The following FAM107A variants were observed in gnomAD, a reference collection of about 807,000 sequenced individuals.
FAM107A encodes family with sequence similarity 107 member A.
Under a neutral mutation model 13.7 loss-of-function variants are expected in FAM107A, and 19 were observed. The observed-to-expected ratio is 1.38, with a 90% confidence interval of 0.97 to 2.03. The LOEUF is 2.03. Ranked by LOEUF, FAM107A falls within the 30% of genes most tolerant of loss-of-function variation. The pLI, the probability that FAM107A is intolerant of heterozygous loss-of-function variation, is 0.00. For missense variants in FAM107A, 203 were observed against 184.4 expected, an observed-to-expected ratio of 1.10 and a Z score of -0.58; for synonymous variants, 82 against 74.5, an observed-to-expected ratio of 1.10 and a Z score of -0.52.
chr3:58,599,695 C>CT (rs1559483413), intron 1 of FAM107A, among the ~76,000 whole-genome samples: 4 of 45,744 alleles, frequency 8.7e-5, no homozygotes, highest in Non-Finnish European at 2.1e-4. Context: ...ACAAGTGCAC[C>CT]ATTTTTTTTT....
At chr3:58,599,714 T>A (rs1342261198) in intron 1 of FAM107A, among the ~76,000 whole-genome samples, 6 of 116,144 alleles carry the variant, frequency 5.2e-5, no homozygotes, top group African/African-American at 2.1e-4. Context: ...TTTTTTTTTT[T>A]TTTTTTTTTT....
intron 1 of FAM107A, among the ~76,000 whole-genome samples, chr3:58,626,221 C>A (rs1211836960): frequency 6.6e-6 from 1 of 152,096 alleles, no homozygotes; most frequent in Non-Finnish European, 1.5e-5. Flanking sequence ...CCCTAAGAGG[C>A]TGATCCAGGA....
chr3:58,566,981 A>G (rs755250207), intron 3 of FAM107A: 4 of 616,728 alleles, frequency 6.5e-6, no homozygotes, highest in Non-Finnish European at 8.6e-6. Context: ...CAGAATCAGC[A>G]TGCAGTACAC....
In FAM107A at chr3:58,569,889, G is replaced by C. The variant is rs765059452; in HGVS notation, c.-5-24C>G. 11 of 1,607,042 alleles carry C rather than the reference G, an allele frequency of 6.8e-6. No homozygotes were observed. Among genetic ancestry groups the C allele is most frequent in the Non-Finnish European group, 9.3e-6 (11 of 1,176,686 alleles). On this transcript the variant is annotated intron_variant, in intron 1 of 3. Coordinates refer to ENST00000360997, the MANE Select transcript of FAM107A (RefSeq NM_001076778.3). This position sits in a 1 kb window ranked among gnomAD's most constrained non-coding sequence, Gnocchi z 5.7. Reference sequence around the variant, plus strand: ...GGCTGTAGAGATGGGCAGAGGAGTAGCTCAGAGCTGAGCCTATAATCTCAC... The same window carrying C: ...GGCTGTAGAGATGGGCAGAGGAGTACCTCAGAGCTGAGCCTATAATCTCAC...
At chr3:58,626,081 G>A (rs2066012814) in intron 1 of FAM107A, among the ~76,000 whole-genome samples, 1 of 152,196 alleles carries the variant, frequency 6.6e-6, no homozygotes. Context: ...ACGGTAGGTG[G>A]GTGGTGGATC....
chr3:58,612,473 G>A (rs1393407951), intron 1 of FAM107A, among the ~76,000 whole-genome samples: 1 of 151,994 alleles, frequency 6.6e-6, no homozygotes, highest in Non-Finnish European at 1.5e-5. Flanking sequence ...TTAGCTACTT[G>A]GGAGGCTGAG....
intron 1 of FAM107A, among the ~76,000 whole-genome samples, chr3:58,595,110 C>A (rs2065686621): frequency 6.6e-6 from 1 of 151,890 alleles, no homozygotes; most frequent in African/African-American, 2.4e-5. Context: ...TCAGTTTAAT[C>A]TCTCCCACTC....
intron 1 of FAM107A, among the ~76,000 whole-genome samples, chr3:58,601,582 T>C (rs993854605): frequency 6.6e-6 from 1 of 152,216 alleles, no homozygotes; most frequent in Non-Finnish European, 1.5e-5. Context: ...TTTGCTGTTA[T>C]GAGGAAGGTT....
At chr3:58,577,859 A>G (rs886364863), upstream of FAM107A, 1 of 298,586 alleles carries the variant, frequency 3.3e-6, no homozygotes. The surrounding 1 kb of genome is among the most constrained non-coding windows in gnomAD (Gnocchi z 4.9). Context: ...GTTCTTAATT[A>G]TCCACGAATG....
At chr3:58,615,620 G>A (rs116578831) in intron 1 of FAM107A, among the ~76,000 whole-genome samples, 42 of 152,238 alleles carry the variant, frequency 2.8e-4, no homozygotes, top group African/African-American at 9.4e-4. Context: ...AGAATGCCAG[G>A]CGCAGTGCCT....
Position 58,586,930 on chromosome 3 carries a change from G to GC in FAM107A, c.6dup (p.Gln3AlafsTer123). 1 of 1,530,136 alleles carries GC rather than the reference G, an allele frequency of 6.5e-7. No homozygotes were observed. Among genetic ancestry groups the GC allele is most frequent in the Non-Finnish European group, 8.7e-7 (1 of 1,144,722 alleles). 94.8% of individuals were successfully genotyped at this position (1,530,136 alleles called of 1,614,324 possible). A position where few individuals can be genotyped will look rare whatever the true frequency, so the allele number is the denominator to read the frequency against. ...CCCCGGGCCCACTCGCCCAGCCTCT[G>GC]CGCCATGCCCCCGCGCCTCCTACTG... On this transcript the variant is annotated frameshift_variant, in exon 1 of 4. Coordinates refer to the FAM107A transcript ENST00000447756. LOFTEE classifies it high-confidence loss of function.
chr3:58,595,793 G>A (rs2065702664), intron 1 of FAM107A, among the ~76,000 whole-genome samples: 1 of 152,178 alleles, frequency 6.6e-6, no homozygotes, highest in Non-Finnish European at 1.5e-5. Context: ...CCTGTATCCA[G>A]TGGAACCTCA....
rs2063612289 is a variant in FAM107A, at chr3:58,565,546, C to A, written c.*1042G>T. ...GTACATCTCTGATTAAAACAACACT[C>A]ACATAACCAACACAATTTGCTAGGC... is the stretch of plus-strand genomic sequence containing the variant. On this transcript the variant is annotated 3_prime_UTR_variant, in exon 4 of 4. Transcript: ENST00000360997. The A allele has an allele frequency of 7.0e-6, 1 of 143,542 alleles. No homozygotes were observed. Among genetic ancestry groups the A allele is most frequent in the African/African-American group, 2.5e-5 (1 of 39,272 alleles). 8.9% of individuals were successfully genotyped at this position (143,542 alleles called of 1,614,324 possible).
At chr3:58,600,317 G>T (rs540046099) in intron 1 of FAM107A, among the ~76,000 whole-genome samples, 2 of 152,110 alleles carry the variant, frequency 1.3e-5, no homozygotes, top group African/African-American at 4.8e-5. Context: ...AGACCTGCCC[G>T]AGGTCATAAA....
chr3:58,568,191 T>C (rs1325813184), intron 2 of FAM107A, among the ~76,000 whole-genome samples: 1 of 151,960 alleles, frequency 6.6e-6, no homozygotes, highest in African/African-American at 2.4e-5. Flanking sequence ...TCCCAGCACT[T>C]TGGGAGGCCG....
At chr3:58,568,918 G>T (rs182989189) in intron 2 of FAM107A, among the ~76,000 whole-genome samples, 5 of 152,006 alleles carry the variant, frequency 3.3e-5, no homozygotes, top group East Asian at 3.9e-4. Context: ...CCTCTGGCTC[G>T]TCTCTGTCAT....
intron 1 of FAM107A, among the ~76,000 whole-genome samples, chr3:58,603,606 A>T (rs2065769900): frequency 6.6e-6 from 1 of 152,172 alleles, no homozygotes; most frequent in Non-Finnish European, 1.5e-5. Flanking sequence ...CTGCAGCATC[A>T]TCCCCCCATA....
chr3:58,577,796 G>T (rs570611498), upstream of FAM107A: 3 of 904,982 alleles, frequency 3.3e-6, no homozygotes, highest in African/African-American at 1.8e-5. This position sits in a 1 kb window ranked among gnomAD's most constrained non-coding sequence, Gnocchi z 4.9. Context: ...AAATGGCTCT[G>T]GGGGGAAAAG....
upstream of FAM107A, among the ~76,000 whole-genome samples, chr3:58,580,224 T>A (rs895237698): frequency 4.7e-4 from 71 of 152,082 alleles, no homozygotes; most frequent in African/African-American, 1.5e-3. Flanking sequence ...AGGATCTCTT[T>A]TTTTTTTCAA....
Sources: allele counts gnomAD v4.1 joint callset (sites outside exome capture counted in the v4.1 genomes callset), GRCh38; gene constraint gnomAD v4.1.1; non-coding constraint Gnocchi (gnomAD v3.1); transcripts MANE v1.5; gene names NCBI Gene and HGNC (gene_info 2026-07-23, HGNC 2026-07-21).